RAB37: variants seen among roughly 807,000 people sequenced by gnomAD.
RAB37 encodes ras-related protein Rab-37.
Under a neutral mutation model 33.1 loss-of-function variants are expected in RAB37, and 29 were observed. That is an observed-to-expected ratio of 0.88 (90% CI 0.65 to 1.20). The LOEUF (loss-of-function observed/expected upper bound fraction) is 1.20, where lower values mean the gene tolerates loss of function less well. RAB37 is among the 50% of genes most tolerant of loss of function. The pLI, the probability that RAB37 is intolerant of heterozygous loss-of-function variation, is 0.00. For synonymous variants in RAB37, 128 were observed against 119.5 expected (o/e 1.07, Z -0.47); for missense variants, 299 against 301.1 (o/e 0.99, Z 0.05).
intron 1 of RAB37, among the ~76,000 whole-genome samples, chr17:74,706,289 A>T (rs997859558): frequency 6.7e-6 from 1 of 150,028 alleles, no homozygotes; most frequent in African/African-American, 2.4e-5. Context: ...AAAAATATAT[A>T]TATATATATA....
chr17:74,686,583 G>A (rs1055119000), intron 1 of RAB37, among the ~76,000 whole-genome samples: 2 of 151,892 alleles, frequency 1.3e-5, no homozygotes, highest in Admixed American at 6.6e-5. Context: ...TAGTAGATAC[G>A]AGGTTTTGCC....
intron 1 of RAB37, among the ~76,000 whole-genome samples, chr17:74,691,598 A>G (rs2143505109): frequency 6.6e-6 from 1 of 152,288 alleles, no homozygotes; most frequent in Admixed American, 6.5e-5. Context: ...GAAGCAGCCC[A>G]ATTCCTCCAG....
chr17:74,713,362 G>A (rs1250305511), intron 1 of RAB37, among the ~76,000 whole-genome samples: 5 of 150,868 alleles, frequency 3.3e-5, no homozygotes, highest in South Asian at 2.1e-4. Context: ...GTGAAATTTC[G>A]AGGCAGTTGA....
At chr17:74,680,116 T>G (rs1261116599) in intron 1 of RAB37, among the ~76,000 whole-genome samples, 1 of 152,004 alleles carries the variant, frequency 6.6e-6, no homozygotes, top group Non-Finnish European at 1.5e-5. Context: ...GCACTTAGCA[T>G]CTCTTAACTC....
intron 1 of RAB37, among the ~76,000 whole-genome samples, chr17:74,726,488 C>T (rs1445315691): frequency 6.6e-6 from 1 of 152,134 alleles, no homozygotes; most frequent in Admixed American, 6.6e-5. Flanking sequence ...ATGAGGGGAA[C>T]GTGGATGGAC....
chr17:74,704,878 G>T, intron 1 of RAB37: 1 of 1,323,350 alleles, frequency 7.6e-7, no homozygotes, highest in Non-Finnish European at 1.1e-6. Flanking sequence ...ACAGCTTTCT[G>T]TTTAGGGAAT....
intron 1 of RAB37, chr17:74,712,713 C>G: frequency 9.0e-7 from 1 of 1,112,542 alleles, no homozygotes. Flanking sequence ...ATGAAACGCA[C>G]AAGGCTCATG....
At chr17:74,717,916 G>C (rs994979123) in intron 1 of RAB37, among the ~76,000 whole-genome samples, 1 of 152,056 alleles carries the variant, frequency 6.6e-6, no homozygotes, top group African/African-American at 2.4e-5. Flanking sequence ...CTGAGGAGTG[G>C]GTCCTCACCA....
intron 1 of RAB37, chr17:74,696,067 G>A (rs549099619): frequency 3.0e-6 from 4 of 1,315,688 alleles, no homozygotes; most frequent in Admixed American, 4.4e-5. Context: ...GGCCCTGCAG[G>A]GTGCCATGAG....
upstream of RAB37, among the ~76,000 whole-genome samples, chr17:74,735,018 G>GAAGGAAGGAAGAAAGAAAGA (rs1207905817): frequency 6.9e-4 from 57 of 82,310 alleles, no homozygotes; most frequent in Non-Finnish European, 8.1e-4. Context: ...AGGAAGGAAG[G>GAAGGAAGGAAGAAAGAAAGA]AAGAAAGAAA....
chr17:74,710,481 A>ATTT (rs2033865259), intron 1 of RAB37, among the ~76,000 whole-genome samples: 1 of 152,224 alleles, frequency 6.6e-6, no homozygotes, highest in Non-Finnish European at 1.5e-5. Flanking sequence ...AGTAAAGTAG[A>ATTT]AAAGTGCTCA....
chr17:74,710,759 T>C (rs527942106), intron 1 of RAB37, among the ~76,000 whole-genome samples: 1 of 150,696 alleles, frequency 6.6e-6, no homozygotes, highest in East Asian at 1.9e-4. Flanking sequence ...CCCAGCTACT[T>C]GGGAGGCTGA....
At position 74,671,723 on chromosome 17, in the gene RAB37, A is replaced by T; in HGVS notation, c.72+65A>T. The stretch of plus-strand genomic sequence containing the variant: ...GGCGCCAGCACCAGGAGTTTTCTCC[A>T]CTCCCCTGACTTTGCTTTGGGACTT... On this transcript the variant is annotated intron_variant, in intron 1 of 7. Coordinates refer to the RAB37 transcript ENST00000340415. The surrounding 1 kb of genome is among the most constrained non-coding windows in gnomAD (Gnocchi z 5.0). 1 of 1,412,704 alleles carries T rather than the reference A, an allele frequency of 7.1e-7. No individual in the cohort carries two copies. Among genetic ancestry groups the T allele is most frequent in the Non-Finnish European group, 1.0e-6 (1 of 999,282 alleles). The allele number at this position is 1,412,704 out of a possible 1,614,324, so 87.5% of individuals were successfully genotyped here. A position where few individuals can be genotyped will look rare whatever the true frequency, so the allele number is the denominator to read the frequency against.
Position 74,671,696 on chromosome 17 carries a change from G to A in RAB37, c.72+38G>A, listed in dbSNP as rs1212678331. The stretch of plus-strand genomic sequence containing the variant: ...TGTATTCCTCAACCTAACGTTGGAA[G>A]AGGCGCCAGCACCAGGAGTTTTCTC... On this transcript the variant is annotated intron_variant, in intron 1 of 7. Transcript: ENST00000340415. The surrounding 1 kb of genome is among the most constrained non-coding windows in gnomAD (Gnocchi z 5.0). The A allele has an allele frequency of 6.3e-7, 1 of 1,592,430 alleles. No homozygotes were observed. Among genetic ancestry groups the A allele is most frequent in the Admixed American group, 1.7e-5 (1 of 59,956 alleles).
intron 1 of RAB37, among the ~76,000 whole-genome samples, chr17:74,725,941 TA>T (rs889228292): frequency 6.7e-6 from 1 of 148,176 alleles, no homozygotes; most frequent in Non-Finnish European, 1.5e-5. Context: ...CTAATGCTGA[TA>T]AAAAAAAGAC....
chr17:74,691,550 C>T (rs1019525652), intron 1 of RAB37, among the ~76,000 whole-genome samples: 2 of 152,166 alleles, frequency 1.3e-5, no homozygotes, highest in Admixed American at 1.3e-4. Context: ...TGTTTCACTG[C>T]TCTTCAGCAG....
At chr17:74,709,437 C>G (rs148467131) in intron 1 of RAB37, among the ~76,000 whole-genome samples, 5 of 152,224 alleles carry the variant, frequency 3.3e-5, no homozygotes, top group African/African-American at 2.4e-5. Context: ...ACACTTAGTG[C>G]GAGACATTCA....
chr17:74,687,214 TTTTATTTATTTA>T (rs530119456), intron 1 of RAB37, among the ~76,000 whole-genome samples: 1 of 151,394 alleles, frequency 6.6e-6, no homozygotes, highest in African/African-American at 2.4e-5. Flanking sequence ...TTTATTTTAT[TTTTATTTATTTA>T]TTTATTTATT....
chr17:74,695,529 G>A (rs1360916915), intron 1 of RAB37, among the ~76,000 whole-genome samples: 1 of 152,184 alleles, frequency 6.6e-6, no homozygotes, highest in East Asian at 1.9e-4. Context: ...GACTGTGTTT[G>A]CCAGTCCCTG....
Sources: allele counts gnomAD v4.1 joint callset (sites outside exome capture counted in the v4.1 genomes callset), GRCh38; gene constraint gnomAD v4.1.1; non-coding constraint Gnocchi (gnomAD v3.1); transcripts MANE v1.5; gene names NCBI Gene and HGNC (gene_info 2026-07-23, HGNC 2026-07-21).